CEP164: variants seen among roughly 807,000 people sequenced by gnomAD.
The protein encoded by CEP164 is centrosomal protein 164, also known as centrosomal protein of 164 kDa.
Under a neutral mutation model 182.7 loss-of-function variants are expected in CEP164, and 162 were observed. The ratio of observed to expected loss-of-function variants is 0.89; its 90% CI spans 0.78 to 1.01. The LOEUF is 1.01. Ranked by LOEUF, CEP164 falls within the 50% of genes least tolerant of loss-of-function variation. CEP164 has a pLI of 0.00. For synonymous variants in CEP164, 661 were observed against 690.0 expected (o/e 0.96, Z 0.66); for missense variants, 1,735 against 1,790.4 (o/e 0.97, Z 0.56).
chr11:117,389,561 C>T (rs989354917), intron 15 of CEP164, among the ~76,000 whole-genome samples: 6 of 152,244 alleles, frequency 3.9e-5, no homozygotes, highest in East Asian at 1.9e-4. Flanking sequence ...TGCCATGTGA[C>T]GCATGGTGCA....
intron 4 of CEP164, among the ~76,000 whole-genome samples, chr11:117,349,930 A>G (rs1346831203): frequency 6.6e-6 from 1 of 152,068 alleles, no homozygotes; most frequent in Non-Finnish European, 1.5e-5. Context: ...ACACGCCACC[A>G]TGCCTGGCTA....
Position 117,392,571 on chromosome 11 carries a change from C to T in CEP164, c.2437C>T (p.Gln813Ter). Residue 813 changes from glutamine to a stop codon, truncating the protein, a stop_gained, in exon 19 of 33, where the codon CAA becomes TAA. Transcript: ENST00000278935. LOFTEE classifies it high-confidence loss of function. ...EEAQLQKCLG[Q>*]VEHRVHQKSY... ...GGCCCAGCTGCAGAAGTGCCTTGGG[C>T]AAGTGGAGCACAGAGTTCACCAGAA... 6.2e-7 allele frequency: 1 copy of T among 1,614,168 alleles called. No individual in the cohort carries two copies. The highest frequency in any genetic ancestry group is 8.5e-7 in the Non-Finnish European group (1 of 1,180,030).
At chr11:117,350,378 T>A (rs902717504) in intron 4 of CEP164, among the ~76,000 whole-genome samples, 1 of 152,184 alleles carries the variant, frequency 6.6e-6, no homozygotes, top group African/African-American at 2.4e-5. Flanking sequence ...TAATTTTTTT[T>A]ATTTCTTGTA....
intron 11 of CEP164, among the ~76,000 whole-genome samples, chr11:117,378,583 A>G (rs1348629736): frequency 6.6e-6 from 1 of 152,206 alleles, no homozygotes; most frequent in Non-Finnish European, 1.5e-5. Flanking sequence ...CAAGTTAAGG[A>G]GAGGGAAATG....
chr11:117,328,936 T>G (rs886849994), intron 1 of CEP164, among the ~76,000 whole-genome samples: 9 of 152,218 alleles, frequency 5.9e-5, no homozygotes, highest in Non-Finnish European at 1.5e-5. Context: ...TTCTGCCTCT[T>G]AATTCCCCTA....
chr11:117,339,536 T>G (rs1671330107), intron 3 of CEP164, among the ~76,000 whole-genome samples: 1 of 132,806 alleles, frequency 7.5e-6, no homozygotes, highest in East Asian at 2.2e-4. Context: ...TTTTTTTTTT[T>G]TTTTTTTTTT....
At position 117,391,178 on chromosome 11, in the gene CEP164, A is replaced by G; in HGVS notation, c.2246A>G (p.Gln749Arg). 6.2e-7 allele frequency: 1 copy of G among 1,612,838 alleles called. No homozygotes were observed. The highest frequency in any genetic ancestry group is 8.5e-7 in the Non-Finnish European group (1 of 1,179,794). The change falls in exon 17 of 33, where the codon CAG becomes CGG. Residue 749 changes from glutamine to arginine, a missense_variant. By Grantham distance (43) the Gln-to-Arg change is conservative. Transcript: ENST00000278935. ...ALNAAKEKAL[Q>R]QLREQLEGER... ...AATGCTGCAAAGGAGAAGGCTCTGC[A>G]GCAGCTGAGGGAGCAGCTGGAAGGG...
chr11:117,338,763 G>T, intron 3 of CEP164, 95 bp downstream of exon 3: 1 of 983,250 alleles, frequency 1.0e-6, no homozygotes, highest in South Asian at 1.3e-5. Flanking sequence ...TGCAAAGTAT[G>T]GTACATGTAC....
At chr11:117,329,681 A>G (rs2035883369) in intron 1 of CEP164, among the ~76,000 whole-genome samples, 1 of 152,074 alleles carries the variant, frequency 6.6e-6, no homozygotes, top group Non-Finnish European at 1.5e-5. Context: ...AGCTGGGACT[A>G]CAGGTGGGCA....
Position 117,387,247 on chromosome 11 carries a change from C to T in CEP164, c.1769C>T (p.Ala590Val), listed in dbSNP as rs200812133. 7 of 1,614,186 alleles carry T rather than the reference C, an allele frequency of 4.3e-6. No individual in the cohort carries two copies. Among genetic ancestry groups the T allele is most frequent in the African/African-American group, 1.3e-5 (1 of 75,066 alleles). ...PVAPPEQLSE[A>V]ALKAMEEAVA... is the part of the protein sequence containing the mutation. ...GCTCCCCCAGAGCAGCTCTCAGAGG[C>T]TGCACTAAAGGCCATGGAAGAGGCA... The change falls in exon 15 of 33, where the codon GCT becomes GTT. Residue 590 changes from alanine to valine, a missense_variant. Coordinates refer to ENST00000278935, the MANE Select transcript of CEP164 (RefSeq NM_014956.5).
intron 3 of CEP164, among the ~76,000 whole-genome samples, chr11:117,340,523 T>G (rs1380601610): frequency 1.3e-5 from 2 of 151,446 alleles, no homozygotes; most frequent in African/African-American, 4.9e-5. Flanking sequence ...TAGCATAGGG[T>G]GTTTTTTTTG....
In CEP164 at chr11:117,394,338, C is replaced by G. The variant is rs767325024; in HGVS notation, c.2617-12C>G. The G allele has an allele frequency of 1.3e-6, 2 of 1,586,728 alleles. No individual in the cohort carries two copies. Among genetic ancestry groups the G allele is most frequent in the East Asian group, 4.6e-5 (2 of 43,922 alleles). ...CCGCAGCTTCCCACCGGTGGGCCCA[C>G]CCTCCTTGCAGGAGAGGAAGCAGCG... On this transcript the variant is annotated splice_polypyrimidine_tract_variant and intron_variant, in intron 20 of 32. Coordinates refer to ENST00000278935, the MANE Select transcript of CEP164 (RefSeq NM_014956.5). This position sits in a 1 kb window ranked among gnomAD's most constrained non-coding sequence, Gnocchi z 4.0.
At position 117,334,740 on chromosome 11, in the gene CEP164, G is replaced by A. The variant is rs186706176; in HGVS notation, c.-97-865G>A. ...ACAGAGGTTGCAGTGAACCAAGATC[G>A]TGCCACTGCACTCCAGCCTGGGTGA... On this transcript the variant is annotated intron_variant, in intron 1 of 32. Coordinates refer to ENST00000278935, the MANE Select transcript of CEP164 (RefSeq NM_014956.5). Among the ~76,000 whole-genome samples, 193 of 147,830 alleles carry A rather than the reference G, an allele frequency of 1.3e-3. 1 individual carries two copies. Among genetic ancestry groups the A allele is most frequent in the Non-Finnish European group, 1.5e-3 (103 of 67,530 alleles).
chr11:117,346,177 G>A (rs1189454405), intron 4 of CEP164, among the ~76,000 whole-genome samples: 2 of 152,188 alleles, frequency 1.3e-5, no homozygotes, highest in African/African-American at 4.8e-5. Flanking sequence ...TTATGGGCCA[G>A]CTGCATACCA....
At position 117,396,180 on chromosome 11, in the gene CEP164, AG is replaced by A; in HGVS notation, c.3216+1del. 2 of 754,502 alleles carry A rather than the reference AG, an allele frequency of 2.7e-6. No homozygotes were observed. 46.7% of individuals were successfully genotyped at this position (754,502 alleles called of 1,614,324 possible). ...AGGACCTGAGGAAATCCCTTGGAAC[AG>A]TGAGCTGGGGGCTGGGGCCTGGGGG... On this transcript the variant is annotated splice_donor_variant, in intron 25 of 32. Coordinates refer to ENST00000278935, the MANE Select transcript of CEP164 (RefSeq NM_014956.5). LOFTEE classifies it high-confidence loss of function.
intron 30 of CEP164, chr11:117,410,611 G>C (rs1158796780): frequency 2.1e-6 from 1 of 481,840 alleles, no homozygotes; most frequent in African/African-American, 1.9e-5. Flanking sequence ...GGCATTTGAG[G>C]GGAAACAAAA....
rs748057409 is a variant in CEP164, at chr11:117,392,576, G to A, written c.2442G>A (p.Val814=). Residue 814 remains valine, a synonymous_variant, in exon 19 of 33, where the codon GTG becomes GTA. Coordinates refer to ENST00000278935, the MANE Select transcript of CEP164 (RefSeq NM_014956.5). ...AGCTGCAGAAGTGCCTTGGGCAAGT[G>A]GAGCACAGAGTTCACCAGAAGTCTT... ...EAQLQKCLGQ[V]EHRVHQKSYH... 8.7e-6 allele frequency: 14 copies of A among 1,614,050 alleles called. No individual in the cohort carries two copies. The highest frequency in any genetic ancestry group is 1.7e-5 in the Admixed American group (1 of 60,000).
In CEP164 at chr11:117,398,735, T is replaced by A. The variant is rs545359636; in HGVS notation, c.3501+1422T>A. Among the ~76,000 whole-genome samples, 19 of 152,310 alleles carry A rather than the reference T, an allele frequency of 1.2e-4. No individual in the cohort carries two copies. In the South Asian group the frequency reaches 3.7e-3, roughly 30 times the overall value. The stretch of plus-strand genomic sequence containing the variant: ...TACCTTGCCCCCTTTTAGCAATGGC[T>A]GGAGTGGCTGGGATGCAGGGCACCA... On this transcript the variant is annotated intron_variant, in intron 27 of 32. Transcript: ENST00000278935.
intron 2 of CEP164, among the ~76,000 whole-genome samples, chr11:117,338,099 C>T (rs2037496409): frequency 1.3e-5 from 2 of 152,046 alleles, no homozygotes; most frequent in Non-Finnish European, 2.9e-5. Flanking sequence ...TCGTTCCCGC[C>T]ACTGGATTGT....
Sources: allele counts gnomAD v4.1 joint callset (sites outside exome capture counted in the v4.1 genomes callset), GRCh38; gene constraint gnomAD v4.1.1; non-coding constraint Gnocchi (gnomAD v3.1); transcripts MANE v1.5; gene names NCBI Gene and HGNC (gene_info 2026-07-23, HGNC 2026-07-21).